WDR86: variants seen among roughly 807,000 people sequenced by gnomAD.
WDR86 encodes WD repeat domain 86.
In WDR86, 30 loss-of-function variants were observed where a neutral mutation model predicts 36.5. The ratio of observed to expected loss-of-function variants is 0.82; its 90% CI spans 0.61 to 1.11. The LOEUF (loss-of-function observed/expected upper bound fraction) is 1.11. WDR86 is among the 50% of genes most tolerant of loss of function. The probability of loss-of-function intolerance (pLI) is 0.00; values close to 1 mark genes in which losing one functional copy is unlikely to be tolerated. For synonymous variants in WDR86, 255 were observed against 252.9 expected (o/e 1.01, Z -0.08); for missense variants, 545 against 561.2 (o/e 0.97, Z 0.29).
downstream of WDR86, among the ~76,000 whole-genome samples, chr7:151,380,048 C>T (rs1798476424): frequency 6.6e-6 from 1 of 152,212 alleles, no homozygotes; most frequent in South Asian, 2.1e-4. Flanking sequence ...CGGGACGCAG[C>T]AAGACCTGGC....
At chr7:151,398,290 G>A (rs1458771761) in intron 2 of WDR86, among the ~76,000 whole-genome samples, 1 of 151,920 alleles carries the variant, frequency 6.6e-6, no homozygotes, top group Non-Finnish European at 1.5e-5. Flanking sequence ...GGGTGCATAT[G>A]TATGTTGTGT....
chr7:151,409,877 C>T lies in WDR86; in HGVS notation c.-288G>A, dbSNP rs1196054768. On this transcript the variant is annotated 5_prime_UTR_variant, in exon 1 of 6. Transcript: ENST00000334493. This position sits in a 1 kb window ranked among gnomAD's most constrained non-coding sequence, Gnocchi z 5.2. ...GCAGAGAGAACCCCCTTCCCAGCAC[C>T]GCTCGGAGGATCCACACCCCACCGG... 7 of 1,166,762 alleles carry T rather than the reference C, an allele frequency of 6.0e-6. No individual in the cohort carries two copies. Among genetic ancestry groups the T allele is most frequent in the Non-Finnish European group, 6.3e-6 (6 of 946,790 alleles). The allele number at this position is 1,166,762 out of a possible 1,614,324, so 72.3% of individuals were successfully genotyped here.
At chr7:151,384,992 C>T in intron 4 of WDR86, 96 bp downstream of exon 4, 1 of 1,349,688 alleles carries the variant, frequency 7.4e-7, no homozygotes, top group Non-Finnish European at 1.0e-6. Context: ...GATTGGCAGC[C>T]AAGGCTCAAT....
rs991843683 is a variant in WDR86 at position 151,381,358 on chromosome 7, C to T, written c.*224G>A. 91 of 1,426,358 alleles carry T rather than the reference C, an allele frequency of 6.4e-5. 1 individual carries two copies. In the Middle Eastern group the frequency reaches 1.1e-3, roughly 17 times the overall value. The allele number at this position is 1,426,358 out of a possible 1,614,324, so 88.4% of individuals were successfully genotyped here. ...GATGGGGAGGGAGGACAGGAGCCAC[C>T]CTAAAAGGGAAAAGGGGGCGGTCCC... On this transcript the variant is annotated 3_prime_UTR_variant, in exon 6 of 6. Coordinates refer to ENST00000334493, the MANE Select transcript of WDR86 (RefSeq NM_198285.3). The surrounding 1 kb of genome is among the most constrained non-coding windows in gnomAD (Gnocchi z 4.8).
chr7:151,392,634 T>C (rs1369863679), intron 3 of WDR86, among the ~76,000 whole-genome samples: 4 of 152,186 alleles, frequency 2.6e-5, no homozygotes, highest in East Asian at 1.9e-4. Context: ...GGAGGCAAAC[T>C]CCACCCCTGC....
chr7:151,392,232 G>T (rs555298514), intron 3 of WDR86, among the ~76,000 whole-genome samples: 4 of 151,974 alleles, frequency 2.6e-5, no homozygotes, highest in African/African-American at 9.7e-5. Context: ...CCAGGCCTGG[G>T]TCATGTCCCT....
At chr7:151,389,182 C>T (rs1799217368) in intron 3 of WDR86, among the ~76,000 whole-genome samples, 1 of 146,762 alleles carries the variant, frequency 6.8e-6, no homozygotes. Context: ...TCTGGGAACC[C>T]TGGCCTCAAG....
chr7:151,374,347 C>T (rs566908091), downstream of WDR86: 113 of 1,386,828 alleles, frequency 8.1e-5, no homozygotes, highest in African/African-American at 1.1e-3. Flanking sequence ...CTCCTATGGG[C>T]TGCCCCGTCA....
rs755807228 is a variant in WDR86, at chr7:151,405,020, T to G, written c.163+4407A>C. Among the ~76,000 whole-genome samples, 108 of 152,314 alleles carry G rather than the reference T, an allele frequency of 7.1e-4. 1 individual carries two copies. Among genetic ancestry groups the G allele is most frequent in the Middle Eastern group, 3.4e-3 (1 of 294 alleles). On this transcript the variant is annotated intron_variant, in intron 1 of 5. Transcript: ENST00000334493. The surrounding 1 kb of genome is among the most constrained non-coding windows in gnomAD (Gnocchi z 4.7). Reference sequence around the variant, plus strand: ...CGGGGCAGGGATGGCACTGCTGACCTGGTTTGCTCCAGCCCTTGTAGCACA... The same window carrying G: ...CGGGGCAGGGATGGCACTGCTGACCGGGTTTGCTCCAGCCCTTGTAGCACA...
downstream of WDR86, chr7:151,376,429 T>G (rs1379911073): frequency 5.3e-6 from 3 of 565,476 alleles, no homozygotes; most frequent in Non-Finnish European, 9.3e-6. Flanking sequence ...GGCTGCTCCC[T>G]GACGCACCCG....
rs1008980468 is a variant in WDR86, at chr7:151,409,940, C to A, written c.-351G>T. On this transcript the variant is annotated 5_prime_UTR_variant, in exon 1 of 6. Transcript: ENST00000334493. The surrounding 1 kb of genome is among the most constrained non-coding windows in gnomAD (Gnocchi z 5.2). ...GCTGCGTCTCTGGTGCACAAGGAGCCCCCCGCCTCCTCTCGCGCCCACGGG... is the reference window on the plus strand; with the variant it reads ...GCTGCGTCTCTGGTGCACAAGGAGCACCCCGCCTCCTCTCGCGCCCACGGG... The A allele has an allele frequency of 5.7e-6, 6 of 1,052,240 alleles. No individual in the cohort carries two copies. Among genetic ancestry groups the A allele is most frequent in the Non-Finnish European group, 6.9e-6 (6 of 874,010 alleles). 65.2% of individuals were successfully genotyped at this position (1,052,240 alleles called of 1,614,324 possible). A position where few individuals can be genotyped will look rare whatever the true frequency, so the allele number is the denominator to read the frequency against.
intron 2 of WDR86, among the ~76,000 whole-genome samples, chr7:151,396,575 C>T (rs1799840101): frequency 6.6e-6 from 1 of 152,214 alleles, no homozygotes; most frequent in African/African-American, 2.4e-5. Flanking sequence ...GCCCTCTCAG[C>T]TTGCCCGGAG....
In WDR86 at chr7:151,381,735, C is replaced by A. The variant is rs1281770256; in HGVS notation, c.978G>T (p.Gln326His). The A allele has an allele frequency of 6.6e-7, 1 of 1,514,708 alleles. No homozygotes were observed. The highest frequency in any genetic ancestry group is 2.5e-5 in the East Asian group (1 of 39,952). The allele number at this position is 1,514,708 out of a possible 1,614,324, so 93.8% of individuals were successfully genotyped here. ...CGTCGTGCGAGGCGGTGTAGAGCAC[C>A]TGGCCGTGCACCTGCGGGCGCAGGG... Reference protein sequence around the residue: ...FIINCIQVHGQVLYTASHDGA... With the variant: ...FIINCIQVHGHVLYTASHDGA... Residue 326 changes from glutamine to histidine, a missense_variant, in exon 6 of 6, where the codon CAG (glutamine) becomes CAT (histidine). Gln to His is a conservative substitution (Grantham distance 24, BLOSUM62 0). Transcript: ENST00000334493. This position sits in a 1 kb window ranked among gnomAD's most constrained non-coding sequence, Gnocchi z 4.8.
intron 2 of WDR86, among the ~76,000 whole-genome samples, chr7:151,398,396 T>A (rs1018068967): frequency 6.8e-6 from 1 of 146,026 alleles, no homozygotes. Context: ...GTTGTGTGTA[T>A]GGGTGTATAT....
chr7:151,381,371 A>G lies in WDR86; in HGVS notation c.*211T>C, dbSNP rs1440570931. 7.0e-7 allele frequency: 1 copy of G among 1,437,856 alleles called. No homozygotes were observed. The highest frequency in any genetic ancestry group is 9.0e-7 in the Non-Finnish European group (1 of 1,105,902). 89.1% of individuals were successfully genotyped at this position (1,437,856 alleles called of 1,614,324 possible). A position where few individuals can be genotyped will look rare whatever the true frequency, so the allele number is the denominator to read the frequency against. On this transcript the variant is annotated 3_prime_UTR_variant, in exon 6 of 6. Transcript: ENST00000334493. This position sits in a 1 kb window ranked among gnomAD's most constrained non-coding sequence, Gnocchi z 4.8. Reference sequence around the variant, plus strand: ...GACAGGAGCCACCCTAAAAGGGAAAAGGGGGCGGTCCCCAGGGCGAGCACT... The same window carrying G: ...GACAGGAGCCACCCTAAAAGGGAAAGGGGGGCGGTCCCCAGGGCGAGCACT...
Position 151,409,244 on chromosome 7 carries a change from C to A in WDR86, c.163+183G>T, listed in dbSNP as rs1800997800. ...ACCCGCACCCCACCCCCAGACCTCA[C>A]CCTGCCCTGCCGTGCGCTCAACAGC... On this transcript the variant is annotated intron_variant, in intron 1 of 5. Transcript: ENST00000334493. The surrounding 1 kb of genome is among the most constrained non-coding windows in gnomAD (Gnocchi z 5.2). 4 of 1,069,548 alleles carry A rather than the reference C, an allele frequency of 3.7e-6. No homozygotes were observed. The Admixed American group carries it at 6.8e-5, about 18-fold the overall frequency. The allele number at this position is 1,069,548 out of a possible 1,614,324, so 66.3% of individuals were successfully genotyped here.
In WDR86 at chr7:151,381,432, C is replaced by G. The variant is rs1436003996; in HGVS notation, c.*150G>C. The stretch of plus-strand genomic sequence containing the variant: ...GCGCCTCCTGGCCACCAAAGAAAAA[C>G]CAGACGCCTGCGACGGGCTCTCCTC... On this transcript the variant is annotated 3_prime_UTR_variant, in exon 6 of 6. Transcript: ENST00000334493. The surrounding 1 kb of genome is among the most constrained non-coding windows in gnomAD (Gnocchi z 4.8). 1 of 1,491,622 alleles carries G rather than the reference C, an allele frequency of 6.7e-7. No homozygotes were observed. The highest frequency in any genetic ancestry group is 1.5e-5 in the African/African-American group (1 of 68,924). 92.4% of individuals were successfully genotyped at this position (1,491,622 alleles called of 1,614,324 possible).
downstream of WDR86, chr7:151,377,468 C>T (rs1798355357): frequency 9.4e-6 from 3 of 318,542 alleles, no homozygotes; most frequent in Non-Finnish European, 1.7e-5. Context: ...GTCCCTAACC[C>T]CTTCCCCAGC....
intron 3 of WDR86, among the ~76,000 whole-genome samples, chr7:151,386,583 G>T (rs1178856826): frequency 6.6e-6 from 1 of 152,170 alleles, no homozygotes; most frequent in Non-Finnish European, 1.5e-5. Flanking sequence ...AGCTTTGGCA[G>T]GGTTCCAGAA....
Sources: gnomAD v4.1 joint callset for allele counts (sites outside exome capture counted in the v4.1 genomes callset) on GRCh38, gnomAD v4.1.1 for gene constraint, Gnocchi (gnomAD v3.1) non-coding constraint, MANE v1.5 for transcripts, NCBI Gene and HGNC (gene_info 2026-07-23, HGNC 2026-07-21) for gene names.